The following MTOR variants were observed in gnomAD, a reference collection of about 807,000 sequenced individuals.
MTOR encodes serine/threonine-protein kinase mTOR.
A neutral mutation model predicts 319.8 loss-of-function variants in MTOR; 70 were observed. The observed-to-expected ratio is 0.22, with a 90% CI of 0.18 to 0.27. The LOEUF is 0.27. Among genes scored for constraint, MTOR ranks in the 10% least tolerant of loss-of-function variants. The probability of loss-of-function intolerance (pLI) is 1.00; values close to 1 mark genes in which losing one functional copy is unlikely to be tolerated. For synonymous variants in MTOR, 1,183 were observed against 1,211.4 expected, an observed-to-expected ratio of 0.98 and a Z score of 0.49; for missense variants, 1,890 against 3,274.4, an observed-to-expected ratio of 0.58 and a Z score of 10.32.
Position 11,133,394 on chromosome 1 carries a change from C to CA in MTOR, c.5247-198dup, listed in dbSNP as rs1643255672. The stretch of plus-strand genomic sequence containing the variant: ...CTTTTGGAATACATTTTTAAGATAC[C>CA]ATCTTTCCATCTTGACCTTTGTCTC... On this transcript the variant is annotated intron_variant, in intron 37 of 57. Transcript: ENST00000361445. This position sits in a 1 kb window ranked among gnomAD's most constrained non-coding sequence, Gnocchi z 4.0. Among the ~76,000 whole-genome samples, 1 of 152,108 alleles carries CA rather than the reference C, an allele frequency of 6.6e-6. No individual in the cohort carries two copies. Among genetic ancestry groups the CA allele is most frequent in the African/African-American group, 2.4e-5 (1 of 41,400 alleles).
At chr1:11,111,002 G>C in intron 54 of MTOR, 1 of 401,178 alleles carries the variant, frequency 2.5e-6, no homozygotes, top group South Asian at 1.8e-5. Flanking sequence ...AGCACACTTC[G>C]TTTGAGACCA....
chr1:11,188,926 A>G (rs1002788201), intron 28 of MTOR, among the ~76,000 whole-genome samples: 1 of 152,226 alleles, frequency 6.6e-6, no homozygotes, highest in African/African-American at 2.4e-5. Flanking sequence ...AAAATATACC[A>G]GATCCTCATA....
At chr1:11,174,026 T>C (rs942157080) in intron 28 of MTOR, among the ~76,000 whole-genome samples, 16 of 152,348 alleles carry the variant, frequency 1.1e-4, no homozygotes, top group African/African-American at 3.6e-4. Context: ...CTATTATTAA[T>C]ATTCTCATTT....
At chr1:11,181,673 C>T (rs1161010591) in intron 28 of MTOR, among the ~76,000 whole-genome samples, 1 of 152,158 alleles carries the variant, frequency 6.6e-6, no homozygotes, top group Non-Finnish European at 1.5e-5. Flanking sequence ...TGCCCTACAG[C>T]GAAGACCTCA....
intron 28 of MTOR, among the ~76,000 whole-genome samples, chr1:11,197,536 T>C (rs1057320528): frequency 1.5e-4 from 23 of 152,152 alleles, no homozygotes; most frequent in Non-Finnish European, 3.1e-4. Context: ...CATTCATTCA[T>C]TCACTCATTC....
rs2100745284 is a variant in MTOR, at chr1:11,199,507, C to T, written c.4107+34G>A. 1.9e-6 allele frequency: 3 copies of T among 1,613,820 alleles called. No individual in the cohort carries two copies. Among genetic ancestry groups the T allele is most frequent in the Non-Finnish European group, 2.5e-6 (3 of 1,179,694 alleles). On this transcript the variant is annotated intron_variant, in intron 27 of 57. Coordinates refer to ENST00000361445, the MANE Select transcript of MTOR (RefSeq NM_004958.4). The surrounding 1 kb of genome is among the most constrained non-coding windows in gnomAD (Gnocchi z 4.5). ...CTCCTCCCACCAGCTGGTTCCCTGT[C>T]AGCCTCCATCTGGACAATGGGGAAA...
At position 11,166,717 on chromosome 1, in the gene MTOR, C is replaced by T. The variant is rs556298349; in HGVS notation, c.4329+725G>A. The stretch of plus-strand genomic sequence containing the variant: ...CTCAAGGATCTAGAACTAGAAATAC[C>T]ATTTAACCCAGCCATACCATTACTG... On this transcript the variant is annotated intron_variant, in intron 29 of 57. Transcript: ENST00000361445. Among the ~76,000 whole-genome samples, 7 of 152,314 alleles carry T rather than the reference C, an allele frequency of 4.6e-5. No homozygotes were observed. In the South Asian group the frequency reaches 1.5e-3, roughly 32 times the overall value.
chr1:11,108,723 AAAAAAAAGAAAAG>A (rs1226492394), intron 56 of MTOR, among the ~76,000 whole-genome samples: 1 of 150,372 alleles, frequency 6.7e-6, no homozygotes, highest in Non-Finnish European at 1.5e-5. Context: ...AAAAAAAAAA[AAAAAAAAGAAAAG>A]AAAAAAAGAA....
rs369717371 is a variant in MTOR, at chr1:11,129,713, G to A, written c.5714+25C>T. On this transcript the variant is annotated intron_variant, in intron 40 of 57. Transcript: ENST00000361445. The surrounding 1 kb of genome is among the most constrained non-coding windows in gnomAD (Gnocchi z 4.7). ...CTTGCCATTAACATGGCCTACCAGA[G>A]TTGCATCCTTCCCTTCTCTGATACC... 8.9e-5 allele frequency: 143 copies of A among 1,598,812 alleles called. No homozygotes were observed. Among genetic ancestry groups the A allele is most frequent in the Non-Finnish European group, 1.1e-4 (130 of 1,166,638 alleles).
At chr1:11,231,129 C>T (rs1647002167) in intron 17 of MTOR, 75 bp from the exon 18 acceptor site, 2 of 1,607,558 alleles carry the variant, frequency 1.2e-6, no homozygotes, top group South Asian at 1.1e-5. Flanking sequence ...GGATACTCCT[C>T]TCAGGTTACA....
In MTOR at chr1:11,133,132, T is replaced by C; in HGVS notation, c.5312A>G (p.Lys1771Arg). The part of the protein sequence containing the change: ...LQGINESTIP[K>R]VLQYYSAATE... ...GGCGGCGCTGTAGTACTGCAGCACT[T>C]TGGGGATTGTGCTCTCATTGATGCC... Residue 1771 changes from lysine to arginine, a missense_variant, in exon 38 of 58, where the codon AAA becomes AGA. By Grantham distance (26) the Lys-to-Arg change is conservative. This residue lies in a region of MTOR where 276 missense variants were observed against 459.4 expected (regional missense o/e 0.60). Coordinates refer to ENST00000361445, the MANE Select transcript of MTOR (RefSeq NM_004958.4). The surrounding 1 kb of genome is among the most constrained non-coding windows in gnomAD (Gnocchi z 4.0). The C allele has an allele frequency of 2.5e-6, 4 of 1,614,164 alleles. No homozygotes were observed. Among genetic ancestry groups the C allele is most frequent in the Non-Finnish European group, 3.4e-6 (4 of 1,180,026 alleles).
At chr1:11,159,813 C>A (rs1371134123) in intron 29 of MTOR, among the ~76,000 whole-genome samples, 1 of 152,110 alleles carries the variant, frequency 6.6e-6, no homozygotes, top group Non-Finnish European at 1.5e-5. Context: ...TCAAGGCAAA[C>A]CACAGTAAGC....
intron 46 of MTOR, among the ~76,000 whole-genome samples, chr1:11,125,768 G>A (rs1173942678): frequency 3.4e-5 from 5 of 148,456 alleles, no homozygotes; most frequent in Non-Finnish European, 7.4e-5. Flanking sequence ...GTGGCTGGGC[G>A]CAGTGGTTCA....
rs1643265776 is a variant in MTOR at position 11,133,592 on chromosome 1, T to C, written c.5247-395A>G. ...TTCTTTGTAATGAGATTAGCCCACA[T>C]TTACTGACTGCTACTGTATTCCAAG... On this transcript the variant is annotated intron_variant, in intron 37 of 57. Transcript: ENST00000361445. This position sits in a 1 kb window ranked among gnomAD's most constrained non-coding sequence, Gnocchi z 4.0. Among the ~76,000 whole-genome samples the C allele has an allele frequency of 1.3e-5, 2 of 152,216 alleles. No homozygotes were observed. The highest frequency in any genetic ancestry group is 1.3e-4 in the Admixed American group (2 of 15,282).
At chr1:11,173,379 C>A (rs960519905) in intron 28 of MTOR, among the ~76,000 whole-genome samples, 4 of 152,040 alleles carry the variant, frequency 2.6e-5, no homozygotes, top group Non-Finnish European at 5.9e-5. Context: ...CAACCTCCAC[C>A]CCCTGGACTC....
chr1:11,134,453 T>C lies in MTOR; in HGVS notation c.5144A>G (p.Gln1715Arg). ...GGTCTGGACAAAATGCTGCATGTGC[T>C]GGAAGGCATCGATCTGTAACAGGAC... ...WKSARKIDAFQHMQHFVQTMQ... is the reference protein window; with the variant it reads ...WKSARKIDAFRHMQHFVQTMQ... The change falls in exon 37 of 58, where the codon CAG becomes CGG. Residue 1715 changes from glutamine (Q) to arginine (R), a missense_variant. By Grantham distance (43) the Gln-to-Arg change is conservative (BLOSUM62 1). Around this residue, in one of 15 missense-constraint regions of MTOR, gnomAD observed 276 missense variants for 459.4 expected, o/e 0.60. Coordinates refer to ENST00000361445, the MANE Select transcript of MTOR (RefSeq NM_004958.4). 3 of 1,614,152 alleles carry C rather than the reference T, an allele frequency of 1.9e-6. No individual in the cohort carries two copies. The highest frequency in any genetic ancestry group is 2.5e-6 in the Non-Finnish European group (3 of 1,180,010).
chr1:11,216,692 T>C (rs1037983053), intron 19 of MTOR, among the ~76,000 whole-genome samples: 1 of 149,822 alleles, frequency 6.7e-6, no homozygotes, highest in African/African-American at 2.5e-5. Context: ...TAAATGGTGA[T>C]AGTGGTGGGG....
intron 25 of MTOR, among the ~76,000 whole-genome samples, chr1:11,208,754 C>T (rs1266275497): frequency 6.6e-6 from 1 of 152,214 alleles, no homozygotes; most frequent in Non-Finnish European, 1.5e-5. Flanking sequence ...ATATCTTAGG[C>T]TTTGGCCAGC....
rs906774720 is a variant in MTOR, at chr1:11,193,830, G to A, written c.4253+5428C>T. ...GACCAGTGCCACCACACATGACCGC[G>A]TACAACTCCGGGGGTGCCATTCCTA... On this transcript the variant is annotated intron_variant, in intron 28 of 57. Coordinates refer to ENST00000361445, the MANE Select transcript of MTOR (RefSeq NM_004958.4). 28 of 1,547,464 alleles carry A rather than the reference G, an allele frequency of 1.8e-5. 1 individual carries two copies. The highest frequency in any genetic ancestry group is 6.8e-5 in the East Asian group (3 of 43,934).
Sources: allele counts gnomAD v4.1 joint callset (sites outside exome capture counted in the v4.1 genomes callset), GRCh38; gene constraint gnomAD v4.1.1; regional missense constraint gnomAD v4.1.1; non-coding constraint Gnocchi (gnomAD v3.1); transcripts MANE v1.5; gene names NCBI Gene and HGNC (gene_info 2026-07-23, HGNC 2026-07-21).